Variants in PNKD observed in about 807,000 individuals in gnomAD.
PNKD encodes the protein PNKD metallo-beta-lactamase domain containing.
Under a neutral mutation model 45.3 loss-of-function variants are expected in PNKD, and 36 were observed. That is an observed-to-expected ratio of 0.80 (90% CI 0.61 to 1.05). The LOEUF (loss-of-function observed/expected upper bound fraction) is 1.05, where lower values mean the gene tolerates loss of function less well. Ranked by LOEUF, PNKD falls within the 50% of genes least tolerant of loss-of-function variation. The pLI is 0.00. For missense variants in PNKD, 511 were observed against 506.6 expected, an observed-to-expected ratio of 1.01 and a Z score of -0.08; for synonymous variants, 197 against 210.1, an observed-to-expected ratio of 0.94 and a Z score of 0.54.
chr2:218,293,580 CT>C (rs34887009), intron 2 of PNKD, among the ~76,000 whole-genome samples: 2,135 of 98,660 alleles, frequency 0.022, 18 homozygotes, highest in South Asian at 0.045. Context: ...ACTGAATGTC[CT>C]TTTTTTTTTT....
chr2:218,343,444 T>C, intron 7 of PNKD, 56 bp from the exon 8 acceptor site: 1 of 1,355,792 alleles, frequency 7.4e-7, no homozygotes, highest in Non-Finnish European at 1.0e-6. Context: ...GGGTGTGCCT[T>C]ATGCCATATT....
intron 2 of PNKD, among the ~76,000 whole-genome samples, chr2:218,299,901 G>A (rs930406440): frequency 5.3e-5 from 8 of 152,060 alleles, no homozygotes; most frequent in Admixed American, 2.6e-4. Context: ...GATTACAGGC[G>A]TGAGCCACCG....
intron 6 of PNKD, 68 bp from the exon 7 acceptor site, chr2:218,341,913 G>C: frequency 3.0e-6 from 4 of 1,326,844 alleles, no homozygotes; most frequent in Middle Eastern, 2.0e-4. Flanking sequence ...CCTTGGGCCT[G>C]GGATGGGGAC....
intron 2 of PNKD, among the ~76,000 whole-genome samples, chr2:218,282,823 A>G (rs1050001551): frequency 6.6e-6 from 1 of 152,196 alleles, no homozygotes; most frequent in Non-Finnish European, 1.5e-5. Flanking sequence ...AGTGGGTGGT[A>G]CAGGGGCTGG....
chr2:218,313,101 T>G (rs1298957348), intron 2 of PNKD, among the ~76,000 whole-genome samples: 4 of 136,716 alleles, frequency 2.9e-5, no homozygotes, highest in Non-Finnish European at 6.5e-5. Context: ...GAAATTAATC[T>G]TTATACAATT....
chr2:218,334,345 A>G (rs10932778), intron 2 of PNKD, among the ~76,000 whole-genome samples: 124,977 of 151,824 alleles, frequency 0.82, 52,921 homozygotes, highest in Middle Eastern at 0.93. Context: ...TCTAGAATCC[A>G]GTCCAGAATC....
In PNKD at chr2:218,344,517, C is replaced by G; in HGVS notation, c.931C>G (p.Arg311Gly). The change falls in exon 9 of 10, where the codon CGG becomes GGG. Residue 311 changes from arginine (R) to glycine (G), a missense_variant. Transcript: ENST00000273077. ...AGVVEPENLARERKMQWVQRQ... is the reference protein window; with the variant it reads ...AGVVEPENLAGERKMQWVQRQ... Reference sequence around the variant, plus strand: ...TGTGGTGGAGCCCGAGAACCTGGCCCGGGAGAGGAAGATGCAGTGGGTGCA... The same window carrying G: ...TGTGGTGGAGCCCGAGAACCTGGCCGGGGAGAGGAAGATGCAGTGGGTGCA... 6.3e-7 allele frequency: 1 copy of G among 1,592,960 alleles called. No homozygotes were observed. The highest frequency in any genetic ancestry group is 8.5e-7 in the Non-Finnish European group (1 of 1,169,708).
intron 2 of PNKD, chr2:218,278,066 C>A: frequency 6.9e-7 from 1 of 1,451,730 alleles, no homozygotes; most frequent in South Asian, 1.2e-5. Flanking sequence ...GCTCCTGTGC[C>A]TGGAGGATTA....
intron 2 of PNKD, among the ~76,000 whole-genome samples, chr2:218,307,763 T>G (rs1693461960): frequency 6.6e-6 from 1 of 151,902 alleles, no homozygotes; most frequent in African/African-American, 2.4e-5. Flanking sequence ...AGCCTGTAAG[T>G]GGTGAATTTA....
At chr2:218,306,409 G>A (rs1693403459) in intron 2 of PNKD, among the ~76,000 whole-genome samples, 1 of 152,160 alleles carries the variant, frequency 6.6e-6, no homozygotes, top group Non-Finnish European at 1.5e-5. Flanking sequence ...CACCCACCAG[G>A]ACAGATGCTG....
At chr2:218,336,370 A>C (rs898663813) in intron 2 of PNKD, among the ~76,000 whole-genome samples, 1 of 152,216 alleles carries the variant, frequency 6.6e-6, no homozygotes, top group Non-Finnish European at 1.5e-5. Flanking sequence ...CAGGAATTTT[A>C]CCATTTGCTT....
chr2:218,272,827 C>G lies in PNKD; in HGVS notation c.236+1278C>G, dbSNP rs1203613076. 5 of 1,611,854 alleles carry G rather than the reference C, an allele frequency of 3.1e-6. No homozygotes were observed. The African/African-American group carries it at 6.7e-5, about 22-fold the overall frequency. Reference sequence around the variant, plus strand: ...CTCAGGTTTGGCCCAGATTCCAGTTCGTGCCTCTGAGGTCCACCAGAGGGC... The same window carrying G: ...CTCAGGTTTGGCCCAGATTCCAGTTGGTGCCTCTGAGGTCCACCAGAGGGC... On this transcript the variant is annotated intron_variant, in intron 2 of 9. Coordinates refer to ENST00000273077, the MANE Select transcript of PNKD (RefSeq NM_015488.5).
At chr2:218,304,725 C>T (rs779445132) in intron 2 of PNKD, among the ~76,000 whole-genome samples, 11 of 152,126 alleles carry the variant, frequency 7.2e-5, no homozygotes, top group Non-Finnish European at 1.3e-4. Flanking sequence ...TGGGTTTTGT[C>T]GCCTGTGATG....
At chr2:218,312,885 CA>C (rs971149836) in intron 2 of PNKD, among the ~76,000 whole-genome samples, 10 of 151,330 alleles carry the variant, frequency 6.6e-5, no homozygotes, top group African/African-American at 2.4e-4. Flanking sequence ...AAAAAACAAA[CA>C]AAAAAACCCT....
At chr2:218,292,417 C>T (rs1017778836) in intron 2 of PNKD, 2 of 152,286 alleles carry the variant, frequency 1.3e-5, no homozygotes, top group Admixed American at 1.3e-4. Flanking sequence ...TGGACCAGTC[C>T]CCACCGCCCA....
rs897050639 is a variant in PNKD at position 218,345,100 on chromosome 2, T to C, written c.*119T>C. The C allele has an allele frequency of 7.9e-6, 6 of 759,556 alleles. No individual in the cohort carries two copies. Among genetic ancestry groups the C allele is most frequent in the African/African-American group, 1.8e-5 (1 of 56,792 alleles). 47.1% of individuals were successfully genotyped at this position (759,556 alleles called of 1,614,324 possible). The stretch of plus-strand genomic sequence containing the variant: ...TCCATCGGCACCCAAGCGGGCATCA[T>C]CCCCCCACACTGCTCAGGGGAGGGG... On this transcript the variant is annotated 3_prime_UTR_variant, in exon 10 of 10. Transcript: ENST00000273077.
intron 2 of PNKD, chr2:218,272,744 G>T (rs1222083640): frequency 3.4e-5 from 55 of 1,614,058 alleles, no homozygotes; most frequent in Non-Finnish European, 4.2e-5. Flanking sequence ...CTGATGTTGG[G>T]TCTGGGGTGC....
At chr2:218,272,538 C>T (rs1690885760) in intron 2 of PNKD, 1 of 1,612,158 alleles carries the variant, frequency 6.2e-7, no homozygotes, top group Non-Finnish European at 8.5e-7. Context: ...TTGGCCCCTC[C>T]CCAAACCCCG....
At chr2:218,323,209 G>A (rs973183712) in intron 2 of PNKD, 18 of 1,416,846 alleles carry the variant, frequency 1.3e-5, no homozygotes, top group Admixed American at 3.0e-5. Context: ...GGGGGCCGGG[G>A]CCGGGCCGTT....
Sources: allele counts gnomAD v4.1 joint callset (sites outside exome capture counted in the v4.1 genomes callset), GRCh38; gene constraint gnomAD v4.1.1; transcripts MANE v1.5; gene names NCBI Gene and HGNC (gene_info 2026-07-23, HGNC 2026-07-21).